Variants in VEPH1 observed in about 807,000 individuals in gnomAD.
The protein encoded by VEPH1 is ventricular zone-expressed PH domain-containing protein homolog 1.
Under a neutral mutation model 85.2 loss-of-function variants are expected in VEPH1, and 80 were observed. The ratio of observed to expected loss-of-function variants is 0.94; its 90% CI spans 0.78 to 1.13. VEPH1 has a LOEUF of 1.13. VEPH1 is among the 50% of genes most tolerant of loss of function. The pLI, the probability that VEPH1 is intolerant of heterozygous loss-of-function variation, is 0.00. For synonymous variants in VEPH1, 297 were observed against 348.0 expected, an observed-to-expected ratio of 0.85 and a Z score of 1.63; for missense variants, 955 against 980.5, an observed-to-expected ratio of 0.97 and a Z score of 0.35.
chr3:157,395,158 A>G (rs1386900564), intron 6 of VEPH1, among the ~76,000 whole-genome samples: 1 of 152,226 alleles, frequency 6.6e-6, no homozygotes. Context: ...GTGTAATACC[A>G]TGGCAGTCGA....
intron 5 of VEPH1, 140 bp from the exon 6 acceptor site, chr3:157,414,230 T>TA: frequency 1.7e-6 from 1 of 601,416 alleles, no homozygotes; most frequent in Non-Finnish European, 2.9e-6. Context: ...CCCTCCTTGG[T>TA]ACTCAGGCAA....
rs186894344 is a variant in VEPH1, at chr3:157,396,954, G to A, written c.907-15578C>T. ...GAAGCTCTTTAATTAGATCCCATTT[G>A]TCAATTTTTGCTTTTGTTGCAACTG... On this transcript the variant is annotated intron_variant, in intron 6 of 13. Coordinates refer to ENST00000362010, the MANE Select transcript of VEPH1 (RefSeq NM_001167912.2). Among the ~76,000 whole-genome samples, 615 of 152,148 alleles carry A rather than the reference G, an allele frequency of 4.0e-3. 3 individuals carry two copies. Among genetic ancestry groups the A allele is most frequent in the African/African-American group, 0.014 (575 of 41,524 alleles).
chr3:157,461,240 T>C (rs1735836475), intron 3 of VEPH1, among the ~76,000 whole-genome samples: 3 of 152,164 alleles, frequency 2.0e-5, no homozygotes, highest in Admixed American at 1.3e-4. Flanking sequence ...ATTTAGAAAA[T>C]ACAAATTGCT....
chr3:157,424,119 A>C (rs763488607), intron 5 of VEPH1, among the ~76,000 whole-genome samples: 24 of 152,232 alleles, frequency 1.6e-4, no homozygotes, highest in Non-Finnish European at 3.4e-4. Context: ...TAATTTGAAT[A>C]ATGGGGGAAG....
At chr3:157,368,691 C>G (rs1727036083) in intron 7 of VEPH1, among the ~76,000 whole-genome samples, 1 of 151,996 alleles carries the variant, frequency 6.6e-6, no homozygotes, top group Admixed American at 6.6e-5. Flanking sequence ...TGGGGTTTCA[C>G]CGTGTTAGCC....
At chr3:157,288,911 G>A (rs1717128702) in intron 11 of VEPH1, among the ~76,000 whole-genome samples, 1 of 152,096 alleles carries the variant, frequency 6.6e-6, no homozygotes, top group Non-Finnish European at 1.5e-5. Flanking sequence ...CTTTAATACC[G>A]TATCTCAGGC....
intron 7 of VEPH1, among the ~76,000 whole-genome samples, chr3:157,380,565 C>A (rs960835984): frequency 1.3e-5 from 2 of 152,186 alleles, no homozygotes; most frequent in African/African-American, 4.8e-5. Context: ...GGTCATCTTT[C>A]ACTACTTGGT....
At chr3:157,413,554 T>C (rs1259224587) in intron 6 of VEPH1, 2 of 985,234 alleles carry the variant, frequency 2.0e-6, no homozygotes, top group East Asian at 2.3e-4. Context: ...CAGTGCTCTC[T>C]CCATTTTAAC....
At chr3:157,264,833 T>C (rs1231635103) in intron 13 of VEPH1, among the ~76,000 whole-genome samples, 2 of 152,186 alleles carry the variant, frequency 1.3e-5, no homozygotes, top group East Asian at 3.8e-4. Flanking sequence ...CTCTTGATCC[T>C]GAATCAGGAG....
At chr3:157,346,451 G>C (rs964507690) in intron 9 of VEPH1, among the ~76,000 whole-genome samples, 5 of 152,084 alleles carry the variant, frequency 3.3e-5, no homozygotes, top group African/African-American at 1.2e-4. Context: ...TGAAAGACCA[G>C]TTTCTAAGTT....
intron 9 of VEPH1, 162 bp downstream of exon 9, chr3:157,363,202 G>GAA (rs34308512): frequency 0.052 from 24,055 of 461,934 alleles, 3 homozygotes; most frequent in East Asian, 0.1. Flanking sequence ...CTTTTCTTGG[G>GAA]AAAAAAAAAA....
At chr3:157,274,501 A>G (rs915633618) in intron 12 of VEPH1, among the ~76,000 whole-genome samples, 1 of 152,042 alleles carries the variant, frequency 6.6e-6, no homozygotes. Flanking sequence ...CTCTGTCTGC[A>G]TGTGTGTGTG....
At chr3:157,428,673 C>A (rs1165881076) in intron 4 of VEPH1, among the ~76,000 whole-genome samples, 185 bp from the exon 5 acceptor site, 2 of 152,144 alleles carry the variant, frequency 1.3e-5, no homozygotes, top group Non-Finnish European at 2.9e-5. Flanking sequence ...TCCGATTCCA[C>A]AAAAGGAAAT....
rs1200202030 is a variant in VEPH1, at chr3:157,381,347, C to T, written c.936G>A (p.Leu312=). 1.9e-6 allele frequency: 3 copies of T among 1,614,122 alleles called. No individual in the cohort carries two copies. Among genetic ancestry groups the T allele is most frequent in the Admixed American group, 3.3e-5 (2 of 60,008 alleles). ...GCTCCATGTTGGCCAGTTGGCTCAC[C>T]AGGTATGTCAGGCAGCTCCTGGCTC... The part of the protein sequence containing the change: ...EERARSCLTY[L]VSQLANMEHS... The change falls in exon 7 of 14, where the codon CTG becomes CTA. Residue 312 remains leucine, a synonymous_variant. Coordinates refer to ENST00000362010, the MANE Select transcript of VEPH1 (RefSeq NM_001167912.2).
At chr3:157,468,503 A>T (rs1287080875) in intron 3 of VEPH1, among the ~76,000 whole-genome samples, 1 of 152,128 alleles carries the variant, frequency 6.6e-6, no homozygotes, top group Non-Finnish European at 1.5e-5. Context: ...TGAACCCGGG[A>T]GGCGGAGGTT....
At chr3:157,281,031 G>A (rs1457949433) in intron 12 of VEPH1, among the ~76,000 whole-genome samples, 7 of 152,010 alleles carry the variant, frequency 4.6e-5, no homozygotes, top group African/African-American at 1.4e-4. Context: ...AAAGGACAGA[G>A]AGAGAGAAAT....
intron 6 of VEPH1, among the ~76,000 whole-genome samples, chr3:157,394,911 T>C (rs527666876): frequency 7.2e-5 from 11 of 152,120 alleles, no homozygotes; most frequent in Admixed American, 2.6e-4. Context: ...CAGTACCATA[T>C]ACTAGATGCT....
chr3:157,483,513 T>A (rs1034816625), intron 2 of VEPH1, among the ~76,000 whole-genome samples: 1 of 152,178 alleles, frequency 6.6e-6, no homozygotes, highest in African/African-American at 2.4e-5. Context: ...AAAATCAATG[T>A]ATAAAGAATA....
intron 1 of VEPH1, 55 bp downstream of exon 1, chr3:157,503,222 T>A (rs149717211): frequency 6.6e-6 from 1 of 152,366 alleles, no homozygotes; most frequent in South Asian, 2.1e-4. Context: ...TGACATTTAC[T>A]TTAATTAGCT....
Sources: gnomAD v4.1 joint callset for allele counts (sites outside exome capture counted in the v4.1 genomes callset) on GRCh38, gnomAD v4.1.1 for gene constraint, MANE v1.5 for transcripts, NCBI Gene and HGNC (gene_info 2026-07-23, HGNC 2026-07-21) for gene names.